Variants in MLLT10 observed in about 807,000 individuals in gnomAD.
MLLT10 encodes MLLT10 histone lysine methyltransferase DOT1L cofactor, also known as protein AF-10.
MLLT10 carries 30 observed loss-of-function variants against 129.1 expected under a neutral mutation model. That is an observed-to-expected ratio of 0.23 (90% confidence interval 0.17 to 0.32). The LOEUF is 0.32. MLLT10 is among the 10% of genes least tolerant of loss of function. MLLT10 has a pLI of 1.00. For missense variants in MLLT10, 1,119 were observed against 1,268.3 expected, an observed-to-expected ratio of 0.88 and a Z score of 1.79; for synonymous variants, 490 against 446.4, an observed-to-expected ratio of 1.10 and a Z score of -1.23.
chr10:21,665,967 C>G (rs1230853759), intron 9 of MLLT10, among the ~76,000 whole-genome samples: 1 of 151,776 alleles, frequency 6.6e-6, no homozygotes, highest in Non-Finnish European at 1.5e-5. Flanking sequence ...TCCAAAAGTT[C>G]TGGAATTACA....
intron 3 of MLLT10, among the ~76,000 whole-genome samples, chr10:21,572,495 G>T (rs1050530686): frequency 6.6e-6 from 1 of 152,124 alleles, no homozygotes; most frequent in Non-Finnish European, 1.5e-5. Context: ...TCTTAACAAC[G>T]ATTGAGTCTT....
At chr10:21,534,900 G>C in intron 2 of MLLT10, 96 bp downstream of exon 2, 1 of 899,114 alleles carries the variant, frequency 1.1e-6, no homozygotes, top group East Asian at 1.0e-4. Flanking sequence ...CCCGCCCCGT[G>C]CCGCGGCCGC....
intron 13 of MLLT10, among the ~76,000 whole-genome samples, chr10:21,704,993 C>T (rs1436795124): frequency 6.6e-6 from 1 of 152,082 alleles, no homozygotes; most frequent in Non-Finnish European, 1.5e-5. Flanking sequence ...TATGCTGGTA[C>T]TGGTGTTAGT....
At chr10:21,671,647 T>C (rs569942252) in intron 10 of MLLT10, among the ~76,000 whole-genome samples, 52 of 152,262 alleles carry the variant, frequency 3.4e-4, no homozygotes, top group African/African-American at 1.2e-3. Flanking sequence ...TAGCCAGGCA[T>C]GGTGGCACAT....
chr10:21,542,308 C>T lies in MLLT10; in HGVS notation c.240+3396C>T, dbSNP rs531271428. Among the ~76,000 whole-genome samples the T allele has an allele frequency of 3.3e-5, 5 of 152,240 alleles. No homozygotes were observed. In the East Asian group the frequency reaches 9.6e-4, roughly 29 times the overall value. ...TTAGGGCTGGGCATGGTGGCTCAAG[C>T]CTGTAATCCCAGCACTTTGGGAGGC... On this transcript the variant is annotated intron_variant, in intron 3 of 22. Coordinates refer to ENST00000307729, the MANE Select transcript of MLLT10 (RefSeq NM_001195626.3).
At chr10:21,726,417 C>T in intron 15 of MLLT10, 62 bp downstream of exon 15, 2 of 1,193,116 alleles carry the variant, frequency 1.7e-6, no homozygotes, top group South Asian at 2.7e-5. Context: ...TTTTTTTCCC[C>T]TTTTGGTTCA....
intron 5 of MLLT10, among the ~76,000 whole-genome samples, chr10:21,597,240 G>T (rs1047673771): frequency 6.6e-6 from 1 of 152,016 alleles, no homozygotes; most frequent in Non-Finnish European, 1.5e-5. Context: ...ACAATATGCC[G>T]TCAAAATAAG....
In MLLT10 at chr10:21,534,346, G is replaced by C; in HGVS notation, c.-175G>C. 1 of 339,012 alleles carries C rather than the reference G, an allele frequency of 2.9e-6. No individual in the cohort carries two copies. The highest frequency in any genetic ancestry group is 5.4e-6 in the Non-Finnish European group (1 of 183,734). The allele number at this position is 339,012 out of a possible 1,614,324, so 21.0% of individuals were successfully genotyped here. ...AGTGCGCCTGTGCGGAGGCCCTCTTGATTATGTGTGCCCTCTCCGGGCGCC... is the reference window on the plus strand; with the variant it reads ...AGTGCGCCTGTGCGGAGGCCCTCTTCATTATGTGTGCCCTCTCCGGGCGCC... On this transcript the variant is annotated 5_prime_UTR_variant, in exon 1 of 23. Coordinates refer to ENST00000307729, the MANE Select transcript of MLLT10 (RefSeq NM_001195626.3).
intron 11 of MLLT10, among the ~76,000 whole-genome samples, chr10:21,680,155 A>G (rs988371329): frequency 1.3e-5 from 2 of 152,028 alleles, no homozygotes; most frequent in South Asian, 4.2e-4. Flanking sequence ...TTTGGGTGGA[A>G]TAAAAGAGTA....
chr10:21,673,503 G>A lies in MLLT10; in HGVS notation c.1205G>A (p.Gly402Glu), dbSNP rs1472067989. 34 of 1,613,622 alleles carry A rather than the reference G, an allele frequency of 2.1e-5. No homozygotes were observed. The highest frequency in any genetic ancestry group is 2.8e-5 in the Non-Finnish European group (33 of 1,179,958). ...QSSATKDVHKGESGSQEGGVN... is the reference protein window; with the variant it reads ...QSSATKDVHKEESGSQEGGVN... ...TCAGCAACCAAAGATGTACATAAAG[G>A]AGAGTCTGGAAGCCAGGAAGGGGGG... The change falls in exon 11 of 23, where the codon GGA becomes GAA. Residue 402 changes from glycine to glutamate, a missense_variant. By Grantham distance (98) the Gly-to-Glu change is moderately conservative. Transcript: ENST00000307729.
At chr10:21,741,162 G>A (rs2058800093) in intron 22 of MLLT10, among the ~76,000 whole-genome samples, 1 of 152,184 alleles carries the variant, frequency 6.6e-6, no homozygotes, top group African/African-American at 2.4e-5. Context: ...CTTTCTGTCT[G>A]CCCTCTTGTC....
At chr10:21,662,147 C>T (rs896503322) in intron 9 of MLLT10, among the ~76,000 whole-genome samples, 4 of 152,054 alleles carry the variant, frequency 2.6e-5, no homozygotes, top group African/African-American at 7.2e-5. Flanking sequence ...TGGCTTCCTT[C>T]GTGGATTTTA....
chr10:21,732,349 G>T (rs1310105305), intron 17 of MLLT10, among the ~76,000 whole-genome samples: 1 of 152,158 alleles, frequency 6.6e-6, no homozygotes, highest in African/African-American at 2.4e-5. Flanking sequence ...GTGGCTGGGC[G>T]CACACATAGC....
intron 10 of MLLT10, 51 bp from the exon 11 acceptor site, chr10:21,673,299 T>TGGGGGGGGG: frequency 1.3e-6 from 1 of 774,318 alleles, no homozygotes; most frequent in East Asian, 3.6e-5. Context: ...CCAATTTTTC[T>TGGGGGGGGG]GTCCCCCCCA....
chr10:21,732,301 T>C lies in MLLT10; in HGVS notation c.2219-598T>C, dbSNP rs192692870. On this transcript the variant is annotated intron_variant, in intron 17 of 22. Transcript: ENST00000307729. Reference sequence around the variant, plus strand: ...GATGGGGCCAGACTGAAAGTCAGCCTGTTTACAGGGGATGCGCCTTTCTCC... The same window carrying C: ...GATGGGGCCAGACTGAAAGTCAGCCCGTTTACAGGGGATGCGCCTTTCTCC... Among the ~76,000 whole-genome samples, 560 of 152,336 alleles carry C rather than the reference T, an allele frequency of 3.7e-3. 2 individuals are homozygous for C. Among genetic ancestry groups the C allele is most frequent in the Admixed American group, 5.9e-3 (91 of 15,306 alleles).
At chr10:21,684,610 A>G (rs1564642891) in intron 13 of MLLT10, among the ~76,000 whole-genome samples, 2 of 152,018 alleles carry the variant, frequency 1.3e-5, no homozygotes, top group Non-Finnish European at 2.9e-5. Flanking sequence ...GTTTCAGCAA[A>G]CTCCTAACCT....
At chr10:21,571,688 G>C (rs2040222011) in intron 3 of MLLT10, among the ~76,000 whole-genome samples, 1 of 152,294 alleles carries the variant, frequency 6.6e-6, no homozygotes, top group South Asian at 2.1e-4. Context: ...ACTTTTTCAT[G>C]ATAACTGATG....
At position 21,655,483 on chromosome 10, in the gene MLLT10, A is replaced by T. The variant is rs533522593; in HGVS notation, c.795+3715A>T. Among the ~76,000 whole-genome samples the T allele has an allele frequency of 2.6e-5, 4 of 152,304 alleles. No individual in the cohort carries two copies. The East Asian group carries it at 7.7e-4, about 29-fold the overall frequency. On this transcript the variant is annotated intron_variant, in intron 9 of 22. Transcript: ENST00000307729. ...TTATGGACACTGGAACTTAAATTTC[A>T]TAGAATAGTTTTCACGTGTTATGAA...
intron 10 of MLLT10, 32 bp from the exon 11 acceptor site, chr10:21,673,318 C>CCCCTTTTT (rs1564622986): frequency 2.6e-5 from 8 of 307,650 alleles, no homozygotes; most frequent in South Asian, 7.0e-5. Flanking sequence ...CACCCCCCAA[C>CCCCTTTTT]TTTTTTTTTT....
Sources: allele counts gnomAD v4.1 joint callset (sites outside exome capture counted in the v4.1 genomes callset), GRCh38; gene constraint gnomAD v4.1.1; transcripts MANE v1.5; gene names NCBI Gene and HGNC (gene_info 2026-07-23, HGNC 2026-07-21).